COG5: variants seen among roughly 807,000 people sequenced by gnomAD.
COG5 encodes component of oligomeric golgi complex 5, also known as conserved oligomeric Golgi complex subunit 5.
Under a neutral mutation model 110.4 loss-of-function variants are expected in COG5, and 86 were observed. That is an observed-to-expected ratio of 0.78 (90% confidence interval 0.65 to 0.93). The LOEUF (loss-of-function observed/expected upper bound fraction) is 0.93, where lower values mean the gene tolerates loss of function less well. Ranked by LOEUF, COG5 falls within the 40% of genes least tolerant of loss-of-function variation. COG5 has a pLI of 0.00. For synonymous variants in COG5, 360 were observed against 334.6 expected (o/e 1.08, Z -0.83); for missense variants, 1,077 against 987.0 (o/e 1.09, Z -1.22).
At position 107,218,080 on chromosome 7, in the gene COG5, C is replaced by G. The variant is rs529329907; in HGVS notation, c.2169-6855G>C. Among the ~76,000 whole-genome samples the G allele has an allele frequency of 2.0e-5, 3 of 151,952 alleles. 1 individual carries two copies. The South Asian group carries it at 6.2e-4, about 32-fold the overall frequency. On this transcript the variant is annotated intron_variant, in intron 19 of 21. Transcript: ENST00000297135. ...ATCTGAAAAGGAAATCAAGAAAATA[C>G]CTACATATAATAGCTACAAGAATGT... is the stretch of plus-strand genomic sequence containing the variant.
At chr7:107,430,869 A>G (rs1384486056) in intron 6 of COG5, among the ~76,000 whole-genome samples, 4 of 152,130 alleles carry the variant, frequency 2.6e-5, no homozygotes, top group Non-Finnish European at 2.9e-5. Context: ...ATCACAAGTG[A>G]TTTTATAAAA....
At chr7:107,299,690 A>C (rs1211587855) in intron 11 of COG5, among the ~76,000 whole-genome samples, 1 of 151,562 alleles carries the variant, frequency 6.6e-6, no homozygotes, top group Non-Finnish European at 1.5e-5. Flanking sequence ...AAGAAAAATA[A>C]AAACTACAAA....
At chr7:107,359,619 T>A (rs1245585622) in intron 10 of COG5, among the ~76,000 whole-genome samples, 1 of 152,068 alleles carries the variant, frequency 6.6e-6, no homozygotes, top group African/African-American at 2.4e-5. Flanking sequence ...GGCCTGCCCA[T>A]GGCCAACCAT....
At chr7:107,311,361 C>A (rs116853896) in intron 11 of COG5, among the ~76,000 whole-genome samples, 1,407 of 128,338 alleles carry the variant, frequency 0.011, 14 homozygotes, top group Middle Eastern at 0.017. Context: ...TGATATCGAG[C>A]GTATTTACAT....
At chr7:107,242,061 CA>C (rs1008055761) in intron 17 of COG5, among the ~76,000 whole-genome samples, 5 of 152,204 alleles carry the variant, frequency 3.3e-5, no homozygotes, top group African/African-American at 7.2e-5. Context: ...GAATTACAGG[CA>C]TAAGCCACTG....
intron 7 of COG5, among the ~76,000 whole-genome samples, chr7:107,379,667 A>T (rs570067294): frequency 6.6e-6 from 1 of 152,070 alleles, no homozygotes; most frequent in Non-Finnish European, 1.5e-5. Context: ...ACCAACAAAG[A>T]TAAAAAAAGA....
chr7:107,208,814 AG>A, intron 21 of COG5: 1 of 985,510 alleles, frequency 1.0e-6, no homozygotes, highest in Non-Finnish European at 1.2e-6. Flanking sequence ...TTGAGGGCTC[AG>A]GGTCACTTCT....
At chr7:107,404,054 A>C (rs906823516) in intron 7 of COG5, among the ~76,000 whole-genome samples, 8 of 152,192 alleles carry the variant, frequency 5.3e-5, no homozygotes, top group African/African-American at 1.9e-4. Context: ...TCAATAACCA[A>C]AAATCTAAAA....
intron 6 of COG5, among the ~76,000 whole-genome samples, chr7:107,520,973 C>T (rs1339678761): frequency 6.6e-6 from 1 of 152,054 alleles, no homozygotes; most frequent in South Asian, 2.1e-4. Flanking sequence ...AGAACAGAGA[C>T]CTCAGAAATA....
intron 7 of COG5, among the ~76,000 whole-genome samples, chr7:107,408,080 CAA>C (rs758323329): frequency 9.2e-5 from 14 of 152,108 alleles, no homozygotes; most frequent in Non-Finnish European, 1.9e-4. Context: ...AGGTATGAAA[CAA>C]GAATACAGAA....
At chr7:107,266,214 C>T (rs968591296) in intron 14 of COG5, among the ~76,000 whole-genome samples, 1 of 152,100 alleles carries the variant, frequency 6.6e-6, no homozygotes, top group Non-Finnish European at 1.5e-5. Context: ...TTGTCACTTT[C>T]CCAGCACATC....
intron 5 of COG5, among the ~76,000 whole-genome samples, chr7:107,542,321 C>T (rs1414077080): frequency 2.0e-5 from 3 of 152,162 alleles, no homozygotes; most frequent in Non-Finnish European, 4.4e-5. Flanking sequence ...AAAACCACAA[C>T]AAGATACCAC....
At chr7:107,287,905 AC>A (rs1178536809) in intron 12 of COG5, among the ~76,000 whole-genome samples, 1 of 152,096 alleles carries the variant, frequency 6.6e-6, no homozygotes, top group Non-Finnish European at 1.5e-5. Flanking sequence ...CATTTTGTTT[AC>A]CCATTTGTCT....
chr7:107,474,069 T>C lies in COG5; in HGVS notation c.538+53168A>G. 6.5e-7 allele frequency: 1 copy of C among 1,549,564 alleles called. No individual in the cohort carries two copies. On this transcript the variant is annotated intron_variant, in intron 6 of 21. Coordinates refer to ENST00000297135, the MANE Select transcript of COG5 (RefSeq NM_006348.5). This position sits in a 1 kb window ranked among gnomAD's most constrained non-coding sequence, Gnocchi z 5.7. ...CCAACTGCTCCAAAAGAATGTGTTT[T>C]TCTCCCATTCTGGAAATCAACATGC...
intron 1 of COG5, 171 bp downstream of exon 1, chr7:107,563,632 T>G: frequency 1.4e-6 from 1 of 715,450 alleles, no homozygotes; most frequent in Non-Finnish European, 2.5e-6. Context: ...AGTCCCAGAG[T>G]AAATAGGTTG....
At position 107,362,391 on chromosome 7, in the gene COG5, G is replaced by T. The variant is rs1310766691; in HGVS notation, c.865C>A (p.Pro289Thr). 3.1e-6 allele frequency: 5 copies of T among 1,613,762 alleles called. No individual in the cohort carries two copies. The African/African-American group carries it at 6.7e-5, about 22-fold the overall frequency. ...GGPGRSTMPT[P>T]GNTAALRASF... is the part of the protein sequence containing the mutation. ...GCACGCAAAGCTGCAGTATTTCCTG[G>T]GGTTGGCATGGTAGATCGTCCAGGT... Residue 289 changes from proline (P) to threonine (T), a missense_variant, in exon 9 of 22, where the codon CCA (proline) becomes ACA (threonine). By Grantham distance (38) the Pro-to-Thr change is conservative. Coordinates refer to ENST00000297135, the MANE Select transcript of COG5 (RefSeq NM_006348.5).
intron 10 of COG5, among the ~76,000 whole-genome samples, chr7:107,332,248 A>G: frequency 6.6e-6 from 1 of 152,182 alleles, no homozygotes; most frequent in South Asian, 2.1e-4. Context: ...GCTTTTCCAT[A>G]TATTGCATGT....
chr7:107,385,988 T>TTGTGTGTGTGTG (rs59992824), intron 7 of COG5, among the ~76,000 whole-genome samples: 3 of 144,734 alleles, frequency 2.1e-5, no homozygotes, highest in African/African-American at 7.7e-5. Context: ...AAACCAGGTT[T>TTGTGTGTGTGTG]TGTGTGTGTG....
chr7:107,547,773 T>C, intron 5 of COG5, among the ~76,000 whole-genome samples: 1 of 151,058 alleles, frequency 6.6e-6, no homozygotes. Context: ...ACAATCCCAT[T>C]TCCCATTTAC....
Sources: gnomAD v4.1 joint callset for allele counts (sites outside exome capture counted in the v4.1 genomes callset) on GRCh38, gnomAD v4.1.1 for gene constraint, Gnocchi (gnomAD v3.1) non-coding constraint, MANE v1.5 for transcripts, NCBI Gene and HGNC (gene_info 2026-07-23, HGNC 2026-07-21) for gene names.